RIT2: variants seen among roughly 807,000 people sequenced by gnomAD.
The protein encoded by RIT2 is Ras like without CAAX 2.
In RIT2, 24 loss-of-function variants were observed where a neutral mutation model predicts 23.7. That is an observed-to-expected ratio of 1.01 (90% CI 0.73 to 1.43). The LOEUF is 1.43. Ranked by LOEUF, RIT2 falls within the 40% of genes most tolerant of loss-of-function variation. The probability of loss-of-function intolerance (pLI) is 0.00; values close to 1 mark genes in which losing one functional copy is unlikely to be tolerated. For synonymous variants in RIT2, 107 were observed against 91.1 expected (o/e 1.17, Z -0.99); for missense variants, 236 against 266.9 (o/e 0.88, Z 0.81).
intron 2 of RIT2, among the ~76,000 whole-genome samples, chr18:42,980,141 A>C (rs567228261): frequency 6.6e-6 from 1 of 152,268 alleles, no homozygotes; most frequent in Admixed American, 6.5e-5. Flanking sequence ...AAGGCTTGTA[A>C]AACTGGCTGA....
chr18:42,763,900 T>C (rs879088595), intron 4 of RIT2, among the ~76,000 whole-genome samples: 32 of 152,308 alleles, frequency 2.1e-4, no homozygotes, highest in South Asian at 2.1e-4. Context: ...TAGACCTACA[T>C]GGGGTCAGAA....
chr18:42,889,251 T>C (rs1208534494), intron 4 of RIT2, among the ~76,000 whole-genome samples: 1 of 152,070 alleles, frequency 6.6e-6, no homozygotes, highest in South Asian at 2.1e-4. Context: ...TATTCAAATA[T>C]GAAGAGATTC....
At chr18:42,952,546 G>T (rs1449540593) in intron 3 of RIT2, among the ~76,000 whole-genome samples, 1 of 151,998 alleles carries the variant, frequency 6.6e-6, no homozygotes, top group East Asian at 1.9e-4. Flanking sequence ...GTTTTTATCT[G>T]CCCCAAAAAA....
chr18:43,068,901 A>T (rs1912836368), intron 1 of RIT2, among the ~76,000 whole-genome samples: 1 of 152,108 alleles, frequency 6.6e-6, no homozygotes, highest in Non-Finnish European at 1.5e-5. Flanking sequence ...AGGCATTCGA[A>T]CCAGAGTGAC....
intron 2 of RIT2, among the ~76,000 whole-genome samples, chr18:42,990,502 C>T (rs1204933308): frequency 6.6e-6 from 1 of 152,140 alleles, no homozygotes; most frequent in Non-Finnish European, 1.5e-5. Context: ...AGTCAGAAAC[C>T]GTTACACTCC....
At chr18:43,064,673 C>T (rs1490123666) in intron 1 of RIT2, among the ~76,000 whole-genome samples, 1 of 151,846 alleles carries the variant, frequency 6.6e-6, no homozygotes, top group Non-Finnish European at 1.5e-5. Context: ...AACAATGGTC[C>T]CTATAAGGAC....
intron 3 of RIT2, among the ~76,000 whole-genome samples, chr18:42,925,976 C>G (rs1480880420): frequency 6.6e-6 from 1 of 151,828 alleles, no homozygotes; most frequent in Non-Finnish European, 1.5e-5. Context: ...TATCTATGAA[C>G]AGGCATTTAG....
chr18:42,847,539 A>G (rs947144556), intron 4 of RIT2, among the ~76,000 whole-genome samples: 19 of 152,274 alleles, frequency 1.2e-4, no homozygotes, highest in Admixed American at 1.0e-3. Flanking sequence ...AGTGCATTTA[A>G]TAAATCTTCA....
At chr18:42,777,809 A>C (rs1000220506) in intron 4 of RIT2, among the ~76,000 whole-genome samples, 1 of 152,342 alleles carries the variant, frequency 6.6e-6, no homozygotes, top group South Asian at 2.1e-4. Flanking sequence ...TGTTTAACTT[A>C]AATAGCTAGT....
chr18:43,058,447 G>A (rs1478067980), intron 1 of RIT2, among the ~76,000 whole-genome samples: 1 of 152,082 alleles, frequency 6.6e-6, no homozygotes, highest in Non-Finnish European at 1.5e-5. Flanking sequence ...GATTCTAATT[G>A]GAAGACATTG....
At chr18:43,070,990 C>T (rs544008711) in intron 1 of RIT2, among the ~76,000 whole-genome samples, 1 of 152,198 alleles carries the variant, frequency 6.6e-6, no homozygotes, top group African/African-American at 2.4e-5. Flanking sequence ...GTGACTGAAA[C>T]AACTTAATAT....
chr18:42,778,379 T>A (rs1198496419), intron 4 of RIT2, among the ~76,000 whole-genome samples: 1 of 152,214 alleles, frequency 6.6e-6, no homozygotes, highest in Admixed American at 6.5e-5. Flanking sequence ...TTCTCTTTTT[T>A]AAATCTATTA....
intron 4 of RIT2, among the ~76,000 whole-genome samples, chr18:42,788,024 T>G (rs1913960890): frequency 6.6e-6 from 1 of 151,972 alleles, no homozygotes; most frequent in Non-Finnish European, 1.5e-5. Context: ...AATTTTAACT[T>G]GAAAATTTGA....
At chr18:42,890,730 TG>T (rs1281522200) in intron 4 of RIT2, among the ~76,000 whole-genome samples, 1 of 152,110 alleles carries the variant, frequency 6.6e-6, no homozygotes, top group Non-Finnish European at 1.5e-5. Context: ...CCCACTTAAT[TG>T]GTTTCACATT....
At chr18:42,772,631 T>C (rs1913578358) in intron 4 of RIT2, among the ~76,000 whole-genome samples, 1 of 152,260 alleles carries the variant, frequency 6.6e-6, no homozygotes, top group South Asian at 2.1e-4. Flanking sequence ...CCTATTGTTC[T>C]AATTTTTGCT....
intron 1 of RIT2, among the ~76,000 whole-genome samples, chr18:43,050,154 G>C (rs1180452698): frequency 6.6e-6 from 1 of 151,266 alleles, no homozygotes; most frequent in Non-Finnish European, 1.5e-5. Context: ...AGCCTCTCTA[G>C]TAGCTGAGAG....
intron 4 of RIT2, among the ~76,000 whole-genome samples, chr18:42,751,746 T>C (rs1376696939): frequency 6.6e-6 from 1 of 151,980 alleles, no homozygotes; most frequent in African/African-American, 2.4e-5. Context: ...TGCTATCTAA[T>C]GGAATAATAA....
At chr18:42,783,610 C>A (rs1403792860) in intron 4 of RIT2, among the ~76,000 whole-genome samples, 1 of 151,956 alleles carries the variant, frequency 6.6e-6, no homozygotes, top group Non-Finnish European at 1.5e-5. Context: ...GGGCACACAG[C>A]CTAGGTGAGA....
At chr18:42,989,618 A>G (rs1034999904) in intron 2 of RIT2, among the ~76,000 whole-genome samples, 9 of 152,290 alleles carry the variant, frequency 5.9e-5, no homozygotes, top group African/African-American at 9.6e-5. Flanking sequence ...GAACGTGTCA[A>G]TTTGGACTAG....
Sources: gnomAD v4.1 joint callset for allele counts (sites outside exome capture counted in the v4.1 genomes callset) on GRCh38, gnomAD v4.1.1 for gene constraint, MANE v1.5 for transcripts, NCBI Gene and HGNC (gene_info 2026-07-23, HGNC 2026-07-21) for gene names.